The following CREB3L1 variants were observed in gnomAD, a reference collection of about 807,000 sequenced individuals.
CREB3L1 encodes the protein cyclic AMP-responsive element-binding protein 3-like protein 1.
CREB3L1 carries 33 observed loss-of-function variants against 54.5 expected under a neutral mutation model. That is an observed-to-expected ratio of 0.61 (90% CI 0.46 to 0.81). CREB3L1 has a LOEUF of 0.81. Ranked by LOEUF, CREB3L1 falls within the 30% of genes least tolerant of loss-of-function variation. The probability of loss-of-function intolerance (pLI) is 0.00; values close to 1 mark genes in which losing one functional copy is unlikely to be tolerated. For synonymous variants in CREB3L1, 284 were observed against 286.4 expected (o/e 0.99, Z 0.08); for missense variants, 656 against 673.3 (o/e 0.97, Z 0.29).
chr11:46,297,383 C>T (rs1391304261), intron 1 of CREB3L1, among the ~76,000 whole-genome samples: 1 of 152,162 alleles, frequency 6.6e-6, no homozygotes, highest in Non-Finnish European at 1.5e-5. Context: ...GTTCTAAGGC[C>T]CTGTCCCTCC....
intron 10 of CREB3L1, 84 bp from the exon 11 acceptor site, chr11:46,320,180 G>A (rs1939626875): frequency 7.0e-7 from 1 of 1,420,842 alleles, no homozygotes; most frequent in East Asian, 2.4e-5. Flanking sequence ...TCCAGGGCCT[G>A]CGTCCTTAAC....
chr11:46,302,168 A>AAATAAC lies in CREB3L1; in HGVS notation c.331+2010_331+2011insCAATAA, dbSNP rs369077655. Among the ~76,000 whole-genome samples the AAATAAC allele has an allele frequency of 1.7e-4, 23 of 135,622 alleles. 1 individual carries two copies. In the East Asian group the frequency reaches 2.6e-3, roughly 15 times the overall value. The allele number at this position is 135,622 out of a possible 152,430, so 89.0% of individuals were successfully genotyped here. On this transcript the variant is annotated intron_variant, in intron 2 of 11. Transcript: ENST00000621158. ...GGGCAACAGAGCGAGGCTCCGTCTC[A>AAATAAC]AATAATAATAATAATAATAATAATA... is the stretch of plus-strand genomic sequence containing the variant.
chr11:46,317,146 C>T (rs1939578826), intron 9 of CREB3L1, among the ~76,000 whole-genome samples: 2 of 152,216 alleles, frequency 1.3e-5, no homozygotes. Context: ...TGGCGACCCC[C>T]CTACAATGGG....
intron 10 of CREB3L1, among the ~76,000 whole-genome samples, chr11:46,318,399 G>A (rs1429457027): frequency 3.3e-5 from 5 of 152,180 alleles, no homozygotes; most frequent in African/African-American, 4.8e-5. Flanking sequence ...CAAGTCCATC[G>A]TAACTGGCAC....
At chr11:46,306,966 C>T (rs746203086) in intron 2 of CREB3L1, among the ~76,000 whole-genome samples, 13 of 151,982 alleles carry the variant, frequency 8.6e-5, no homozygotes, top group Non-Finnish European at 1.5e-4. Flanking sequence ...CTCTGCCTCC[C>T]GGGTTCAAGT....
rs1421490536 is a variant in CREB3L1, at chr11:46,300,111, C to T, written c.279C>T (p.Asp93=). The T allele has an allele frequency of 6.2e-7, 1 of 1,613,738 alleles. No homozygotes were observed. Among genetic ancestry groups the T allele is most frequent in the Non-Finnish European group, 8.5e-7 (1 of 1,179,832 alleles). ...QAEHSYSLSG[D]SAPQSPLVPI... ...AGCACAGCTACTCCCTGAGCGGCGA[C>T]TCAGCGCCCCAGAGCCCCCTTGTGC... Residue 93 remains aspartate (D), a synonymous_variant, in exon 2 of 12, where the codon GAC becomes GAT. Coordinates refer to ENST00000621158, the MANE Select transcript of CREB3L1 (RefSeq NM_052854.4).
chr11:46,308,597 G>C (rs1939437884), intron 3 of CREB3L1, among the ~76,000 whole-genome samples: 1 of 152,174 alleles, frequency 6.6e-6, no homozygotes, highest in African/African-American at 2.4e-5. Flanking sequence ...TTTGTGTTCT[G>C]GGCATGTTGC....
chr11:46,291,807 G>A (rs1033975388), intron 1 of CREB3L1, among the ~76,000 whole-genome samples: 1 of 152,122 alleles, frequency 6.6e-6, no homozygotes, highest in Non-Finnish European at 1.5e-5. Context: ...CTGAGCCCAG[G>A]GGTCCCACAC....
chr11:46,315,977 G>A (rs73464020), intron 8 of CREB3L1: 3,818 of 298,238 alleles, frequency 0.013, 127 homozygotes, highest in African/African-American at 0.075. Context: ...GGCAGGTGTC[G>A]GTTAAGCAAA....
In CREB3L1 at chr11:46,299,970, C is replaced by T. The variant is rs2136345338; in HGVS notation, c.138C>T (p.Asn46=). Reference sequence around the variant, plus strand: ...AGCACCTGGACCACTTTACGGAGAACATGGAGGACTTCTCCAATGACCTGT... The same window carrying T: ...AGCACCTGGACCACTTTACGGAGAATATGGAGGACTTCTCCAATGACCTGT... ...FPEHLDHFTE[N]MEDFSNDLFS... is the part of the protein sequence containing the mutation. Residue 46 remains asparagine (N), a synonymous_variant, in exon 2 of 12, where the codon AAC becomes AAT. Coordinates refer to ENST00000621158, the MANE Select transcript of CREB3L1 (RefSeq NM_052854.4). The T allele has an allele frequency of 6.2e-7, 1 of 1,613,970 alleles. No homozygotes were observed. Among genetic ancestry groups the T allele is most frequent in the Non-Finnish European group, 8.5e-7 (1 of 1,179,854 alleles).
intron 8 of CREB3L1, chr11:46,315,404 T>C (rs1939553113): frequency 4.6e-6 from 1 of 216,440 alleles, no homozygotes; most frequent in South Asian, 1.8e-4. Context: ...GCTGAACGCA[T>C]TCTGTATGCA....
In CREB3L1 at chr11:46,295,866, G is replaced by T. The variant is rs753015138; in HGVS notation, c.103-4069G>T. 5.3e-4 allele frequency among the ~76,000 whole-genome samples: 81 copies of T among 152,252 alleles called. 2 individuals are homozygous for T. Among genetic ancestry groups the T allele is most frequent in the Non-Finnish European group, 2.9e-4 (20 of 68,046 alleles). On this transcript the variant is annotated intron_variant, in intron 1 of 11. Coordinates refer to ENST00000621158, the MANE Select transcript of CREB3L1 (RefSeq NM_052854.4). This position sits in a 1 kb window ranked among gnomAD's most constrained non-coding sequence, Gnocchi z 4.6. ...GCCGAGAAGAGGGGTACGCAGGTCT[G>T]CAAGCAGGAGAGCTCGGGAACCTCT...
chr11:46,320,115 G>A lies in CREB3L1; in HGVS notation c.1259-149G>A, dbSNP rs1939625736. 3 of 856,200 alleles carry A rather than the reference G, an allele frequency of 3.5e-6. No homozygotes were observed. In the South Asian group the frequency reaches 5.7e-5, roughly 16 times the overall value. The allele number at this position is 856,200 out of a possible 1,614,324, so 53.0% of individuals were successfully genotyped here. A position where few individuals can be genotyped will look rare whatever the true frequency, so the allele number is the denominator to read the frequency against. ...TGAGGCTCAGAAAGTTTAAAGCAAAGTGTGTGGCTTACCTGAGGTCACACA... is the reference window on the plus strand; with the variant it reads ...TGAGGCTCAGAAAGTTTAAAGCAAAATGTGTGGCTTACCTGAGGTCACACA... On this transcript the variant is annotated intron_variant, in intron 10 of 11. Coordinates refer to ENST00000621158, the MANE Select transcript of CREB3L1 (RefSeq NM_052854.4).
At chr11:46,281,514 G>A (rs756540649) in intron 1 of CREB3L1, among the ~76,000 whole-genome samples, 7 of 152,228 alleles carry the variant, frequency 4.6e-5, no homozygotes, top group Non-Finnish European at 8.8e-5. Context: ...TCTCAGAGGG[G>A]AGCAGCAGGA....
At chr11:46,291,247 G>A (rs376386412) in intron 1 of CREB3L1, among the ~76,000 whole-genome samples, 7 of 152,328 alleles carry the variant, frequency 4.6e-5, no homozygotes, top group African/African-American at 1.7e-4. Context: ...CCCCAGGCAA[G>A]TGCACTCCCA....
chr11:46,300,302 G>A lies in CREB3L1; in HGVS notation c.331+139G>A, dbSNP rs1041211309. 12 of 652,742 alleles carry A rather than the reference G, an allele frequency of 1.8e-5. No individual in the cohort carries two copies. In the East Asian group the frequency reaches 3.0e-4, roughly 16 times the overall value. 40.4% of individuals were successfully genotyped at this position (652,742 alleles called of 1,614,324 possible). On this transcript the variant is annotated intron_variant, in intron 2 of 11. Transcript: ENST00000621158. ...GGAGCCACCACAAACCCCTTAGGAG[G>A]TGCTCCTCCCTGCCTTTCTGTTCTC...
At chr11:46,298,942 C>T (rs1039808704) in intron 1 of CREB3L1, among the ~76,000 whole-genome samples, 1 of 152,102 alleles carries the variant, frequency 6.6e-6, no homozygotes, top group African/African-American at 2.4e-5. Context: ...ACCAGCTGTA[C>T]AGAGGACGAA....
In CREB3L1 at chr11:46,318,951, G is replaced by A. The variant is rs529973030; in HGVS notation, c.1259-1313G>A. Among the ~76,000 whole-genome samples the A allele has an allele frequency of 2.0e-4, 31 of 152,314 alleles. No homozygotes were observed. In the South Asian group the frequency reaches 2.3e-3, roughly 11 times the overall value. ...AAAGCTCCTCCCCGGACACGTGCAGGCTGAGGAGGAGAGAACGGGGTGGTC... is the reference window on the plus strand; with the variant it reads ...AAAGCTCCTCCCCGGACACGTGCAGACTGAGGAGGAGAGAACGGGGTGGTC... On this transcript the variant is annotated intron_variant, in intron 10 of 11. Transcript: ENST00000621158.
intron 10 of CREB3L1, 68 bp downstream of exon 10, chr11:46,317,555 C>G (rs1939586637): frequency 1.9e-6 from 3 of 1,579,300 alleles, no homozygotes; most frequent in African/African-American, 1.3e-5. Flanking sequence ...AGTGTCCAGG[C>G]AGAAGCCAGA....
Sources: gnomAD v4.1 joint callset for allele counts (sites outside exome capture counted in the v4.1 genomes callset) on GRCh38, gnomAD v4.1.1 for gene constraint, Gnocchi (gnomAD v3.1) non-coding constraint, MANE v1.5 for transcripts, NCBI Gene and HGNC (gene_info 2026-07-23, HGNC 2026-07-21) for gene names.